Variants in CORIN observed in about 807,000 individuals in gnomAD.
The protein encoded by CORIN is atrial natriuretic peptide-converting enzyme.
A neutral mutation model predicts 125.3 loss-of-function variants in CORIN; 117 were observed. That is an observed-to-expected ratio of 0.93 (90% CI 0.80 to 1.09). CORIN has a LOEUF of 1.09. Ranked by LOEUF, CORIN falls within the 50% of genes least tolerant of loss-of-function variation. The pLI is 0.00. For missense variants in CORIN, 1,253 were observed against 1,306.7 expected (o/e 0.96, Z 0.63); for synonymous variants, 450 against 466.4 (o/e 0.96, Z 0.45).
At chr4:47,617,878 A>T (rs1049859190) in intron 19 of CORIN, among the ~76,000 whole-genome samples, 2 of 150,900 alleles carry the variant, frequency 1.3e-5, no homozygotes, top group African/African-American at 2.4e-5. Context: ...GCAAGCAAGA[A>T]CAAAGATTTT....
At chr4:47,653,499 T>A (rs1723828015) in intron 13 of CORIN, 54 bp downstream of exon 13, 1 of 1,409,082 alleles carries the variant, frequency 7.1e-7, no homozygotes, top group Admixed American at 1.7e-5. Context: ...CAGTTTCTTA[T>A]TTTATTCTAG....
chr4:47,748,654 A>C (rs565471823), intron 4 of CORIN, among the ~76,000 whole-genome samples: 2 of 152,202 alleles, frequency 1.3e-5, no homozygotes, highest in African/African-American at 4.8e-5. Flanking sequence ...TCTTCAAATA[A>C]TTTTGTTATA....
chr4:47,719,033 C>T (rs1057243048), intron 5 of CORIN, among the ~76,000 whole-genome samples: 3 of 152,302 alleles, frequency 2.0e-5, no homozygotes, highest in Admixed American at 2.0e-4. Flanking sequence ...CCAACACATA[C>T]ATGAATAACT....
At chr4:47,761,418 T>C (rs932566613) in intron 4 of CORIN, among the ~76,000 whole-genome samples, 1 of 151,378 alleles carries the variant, frequency 6.6e-6, no homozygotes, top group Non-Finnish European at 1.5e-5. Flanking sequence ...AATGGAACAA[T>C]AGTCAATATA....
intron 16 of CORIN, among the ~76,000 whole-genome samples, chr4:47,637,833 T>C (rs574155297): frequency 2.6e-5 from 4 of 152,298 alleles, no homozygotes; most frequent in South Asian, 4.1e-4. Context: ...TACTAGGGCA[T>C]TGCCTAGTGG....
Position 47,838,049 on chromosome 4 carries a change from A to G in CORIN, c.-100T>C. ...GAGGCACTACGGATGATTTTCTCCA[A>G]GCTCAAGAGAGACAAACTGAACTTT... is the stretch of plus-strand genomic sequence containing the variant. On this transcript the variant is annotated 5_prime_UTR_variant, in exon 1 of 22. Transcript: ENST00000273857. 1 of 1,562,792 alleles carries G rather than the reference A, an allele frequency of 6.4e-7. No homozygotes were observed. The highest frequency in any genetic ancestry group is 1.2e-5 in the South Asian group (1 of 86,550).
chr4:47,685,945 T>C (rs139601108), intron 6 of CORIN, among the ~76,000 whole-genome samples: 1 of 150,214 alleles, frequency 6.7e-6, no homozygotes, highest in Non-Finnish European at 1.5e-5. Flanking sequence ...AGGCCAGAAA[T>C]CAAGCAGTCA....
intron 16 of CORIN, among the ~76,000 whole-genome samples, chr4:47,636,161 G>C (rs528894726): frequency 6.6e-6 from 1 of 152,236 alleles, no homozygotes; most frequent in African/African-American, 2.4e-5. Context: ...AACTTCTATT[G>C]ACCAACACTA....
At chr4:47,738,942 G>C (rs1320286161) in intron 5 of CORIN, among the ~76,000 whole-genome samples, 2 of 151,636 alleles carry the variant, frequency 1.3e-5, no homozygotes, top group Non-Finnish European at 2.9e-5. Context: ...TTACTAGAAA[G>C]ACTTAACAGC....
intron 1 of CORIN, among the ~76,000 whole-genome samples, chr4:47,818,743 C>G (rs193261274): frequency 5.5e-4 from 84 of 152,078 alleles, no homozygotes; most frequent in African/African-American, 1.9e-3. Context: ...CGTGGTGGTG[C>G]ACTCCTGTGG....
chr4:47,598,028 C>A (rs774832744), intron 21 of CORIN, among the ~76,000 whole-genome samples: 2 of 152,068 alleles, frequency 1.3e-5, no homozygotes, highest in Non-Finnish European at 2.9e-5. Flanking sequence ...GTCAGGTAGG[C>A]ACCCCATTAA....
chr4:47,706,549 G>A (rs1344670121), intron 5 of CORIN: 7 of 1,610,198 alleles, frequency 4.3e-6, no homozygotes, highest in Admixed American at 1.7e-5. Flanking sequence ...GCAAGGTTAC[G>A]TTATACATAG....
chr4:47,692,925 G>A, intron 6 of CORIN, 45 bp downstream of exon 6: 1 of 1,392,058 alleles, frequency 7.2e-7, no homozygotes, highest in Non-Finnish European at 1.0e-6. Context: ...CAGGATTTGA[G>A]AATCCCTGTC....
intron 19 of CORIN, among the ~76,000 whole-genome samples, chr4:47,616,186 T>TCTGGG (rs1257960467): frequency 6.6e-6 from 1 of 152,102 alleles, no homozygotes; most frequent in South Asian, 2.1e-4. Flanking sequence ...TGGGTGGAAA[T>TCTGGG]CTGGGCTGGG....
Position 47,715,239 on chromosome 4 carries a change from T to C in CORIN, c.800-22156A>G, listed in dbSNP as rs369307099. Among the ~76,000 whole-genome samples, 8 of 152,344 alleles carry C rather than the reference T, an allele frequency of 5.3e-5. 1 individual carries two copies. The highest frequency in any genetic ancestry group is 2.6e-4 in the Admixed American group (4 of 15,306). ...ACTGATTACAACTGAAAACATGTCTTATCTATCCAAGTAGTACTTTTACAT... is the reference window on the plus strand; with the variant it reads ...ACTGATTACAACTGAAAACATGTCTCATCTATCCAAGTAGTACTTTTACAT... On this transcript the variant is annotated intron_variant, in intron 5 of 21. Coordinates refer to ENST00000273857, the MANE Select transcript of CORIN (RefSeq NM_006587.4).
intron 4 of CORIN, among the ~76,000 whole-genome samples, chr4:47,759,922 C>G (rs550205109): frequency 1.9e-4 from 29 of 152,336 alleles, no homozygotes; most frequent in African/African-American, 6.5e-4. Flanking sequence ...CCACTAAAGT[C>G]TTGAACTTCT....
At chr4:47,806,200 T>A (rs1731788133) in intron 2 of CORIN, among the ~76,000 whole-genome samples, 1 of 151,768 alleles carries the variant, frequency 6.6e-6, no homozygotes, top group Admixed American at 6.6e-5. Context: ...AATCCTTAAG[T>A]CTCCTCCTTA....
chr4:47,716,131 A>T (rs993519247), intron 5 of CORIN, among the ~76,000 whole-genome samples: 10 of 152,238 alleles, frequency 6.6e-5, no homozygotes, highest in African/African-American at 2.4e-4. Context: ...ACTTTTGAAC[A>T]TCTACCTTGG....
At chr4:47,677,604 A>G (rs186572048) in intron 9 of CORIN, among the ~76,000 whole-genome samples, 1 of 152,270 alleles carries the variant, frequency 6.6e-6, no homozygotes, top group Admixed American at 6.5e-5. Flanking sequence ...TCAGAAGCCA[A>G]TTTCTTCTCA....
Sources: allele counts gnomAD v4.1 joint callset (sites outside exome capture counted in the v4.1 genomes callset), GRCh38; gene constraint gnomAD v4.1.1; transcripts MANE v1.5; gene names NCBI Gene and HGNC (gene_info 2026-07-23, HGNC 2026-07-21).